Variants in CDH13 observed in about 807,000 individuals in gnomAD.
CDH13 encodes cadherin-13.
CDH13 carries 24 observed loss-of-function variants against 63.8 expected under a neutral mutation model. That is an observed-to-expected ratio of 0.38 (90% CI 0.27 to 0.53). The LOEUF (loss-of-function observed/expected upper bound fraction) is 0.53. Among genes scored for constraint, CDH13 ranks in the 20% least tolerant of loss-of-function variants. The pLI, the probability that CDH13 is intolerant of heterozygous loss-of-function variation, is 0.85. For missense variants in CDH13, 1,049 were observed against 903.1 expected, an observed-to-expected ratio of 1.16 and a Z score of -2.07; for synonymous variants, 503 against 355.3, an observed-to-expected ratio of 1.42 and a Z score of -4.67.
At chr16:83,499,007 G>T (rs1306073452) in intron 7 of CDH13, among the ~76,000 whole-genome samples, 1 of 152,126 alleles carries the variant, frequency 6.6e-6, no homozygotes, top group East Asian at 1.9e-4. Context: ...GAATCAAATG[G>T]CTTTTTAAAG....
intron 5 of CDH13, among the ~76,000 whole-genome samples, chr16:83,306,454 G>C (rs1034518318): frequency 6.6e-6 from 1 of 152,144 alleles, no homozygotes; most frequent in African/African-American, 2.4e-5. Context: ...CCTGAAAGGA[G>C]GCTGTTATAA....
chr16:82,873,630 G>A (rs181931924), intron 2 of CDH13, among the ~76,000 whole-genome samples: 95 of 152,280 alleles, frequency 6.2e-4, no homozygotes, highest in Admixed American at 1.8e-3. Context: ...AGTATTTCAA[G>A]GATTAAACAA....
At chr16:82,763,213 A>G (rs1175073811) in intron 1 of CDH13, among the ~76,000 whole-genome samples, 1 of 152,084 alleles carries the variant, frequency 6.6e-6, no homozygotes, top group South Asian at 2.1e-4. Context: ...TTACTTAAAC[A>G]TCCTCTTTTT....
rs115891884 is a variant in CDH13 at position 83,313,243 on chromosome 16, A to G, written c.637-31619A>G. Reference sequence around the variant, plus strand: ...AGTCTTTGAATTCTGAGTGACTGGCAGATTTCACAGCCATTGATATTTTGA... The same window carrying G: ...AGTCTTTGAATTCTGAGTGACTGGCGGATTTCACAGCCATTGATATTTTGA... On this transcript the variant is annotated intron_variant, in intron 5 of 13. Coordinates refer to ENST00000567109, the MANE Select transcript of CDH13 (RefSeq NM_001257.5). Among the ~76,000 whole-genome samples, 534 of 152,350 alleles carry G rather than the reference A, an allele frequency of 3.5e-3. 3 individuals carry two copies. The highest frequency in any genetic ancestry group is 0.012 in the African/African-American group (505 of 41,578).
intron 4 of CDH13, among the ~76,000 whole-genome samples, chr16:83,204,220 C>T (rs1182108219): frequency 6.6e-6 from 1 of 152,192 alleles, no homozygotes; most frequent in Non-Finnish European, 1.5e-5. Context: ...TCTGTTGCCC[C>T]TATGAAGTAT....
At chr16:82,896,939 C>T (rs977039000) in intron 2 of CDH13, among the ~76,000 whole-genome samples, 2 of 151,790 alleles carry the variant, frequency 1.3e-5, no homozygotes, top group African/African-American at 4.8e-5. Flanking sequence ...CGCCATCACG[C>T]CCAGCTAATT....
chr16:83,264,164 G>C (rs935345294), intron 5 of CDH13, among the ~76,000 whole-genome samples: 9 of 152,152 alleles, frequency 5.9e-5, no homozygotes. Context: ...GGTATAAATT[G>C]CTGCTGCCCA....
At chr16:83,705,341 G>C (rs117814889) in intron 10 of CDH13, among the ~76,000 whole-genome samples, 1,539 of 152,290 alleles carry the variant, frequency 0.01, 75 homozygotes, top group Admixed American at 0.077. Context: ...AGAAAAAGAA[G>C]CCCGGGCCCG....
chr16:82,829,898 C>G (rs1301923295), intron 1 of CDH13, among the ~76,000 whole-genome samples: 1 of 152,152 alleles, frequency 6.6e-6, no homozygotes, highest in African/African-American at 2.4e-5. Context: ...TGCCTCATCT[C>G]CTTTGAGGAC....
chr16:83,231,306 A>G (rs1488264489), intron 5 of CDH13, among the ~76,000 whole-genome samples: 1 of 152,208 alleles, frequency 6.6e-6, no homozygotes, highest in Non-Finnish European at 1.5e-5. Flanking sequence ...CAGCTACTGA[A>G]AGAGCATCTG....
intron 1 of CDH13, among the ~76,000 whole-genome samples, chr16:82,673,401 A>G (rs1432249481): frequency 6.6e-6 from 1 of 152,178 alleles, no homozygotes; most frequent in Non-Finnish European, 1.5e-5. Context: ...CAGGAAATAA[A>G]AGTATCCCCA....
In CDH13 at chr16:83,043,298, T is replaced by C. The variant is rs147499759; in HGVS notation, c.366+11080T>C. On this transcript the variant is annotated intron_variant, in intron 3 of 13. Transcript: ENST00000567109. ...ATTCTTGGGGGAAAAACTGATCCCA[T>C]AGAAAGTATAGATAACTAAAAATGG... Among the ~76,000 whole-genome samples the C allele has an allele frequency of 2.0e-4, 30 of 152,282 alleles. 2 individuals are homozygous for C. The highest frequency in any genetic ancestry group is 6.0e-4 in the African/African-American group (25 of 41,566).
chr16:82,904,100 A>T (rs887350859), intron 2 of CDH13, among the ~76,000 whole-genome samples: 5 of 152,208 alleles, frequency 3.3e-5, no homozygotes, highest in African/African-American at 1.2e-4. Context: ...TGATATTTTG[A>T]ATGGTAATAA....
chr16:83,185,353 G>A (rs902248748), intron 4 of CDH13, among the ~76,000 whole-genome samples: 1 of 152,148 alleles, frequency 6.6e-6, no homozygotes, highest in Non-Finnish European at 1.5e-5. Context: ...ACTGCACCTT[G>A]TAATTTCTGG....
At chr16:83,022,704 G>C (rs1251996424) in intron 2 of CDH13, among the ~76,000 whole-genome samples, 1 of 152,124 alleles carries the variant, frequency 6.6e-6, no homozygotes. Context: ...ATGCATCCTT[G>C]CACACATGTA....
intron 7 of CDH13, among the ~76,000 whole-genome samples, chr16:83,497,300 G>A (rs1474571327): frequency 2.6e-5 from 4 of 151,968 alleles, no homozygotes; most frequent in Non-Finnish European, 5.9e-5. Flanking sequence ...AGAAAATGTG[G>A]CACATATACA....
At chr16:82,767,722 C>T (rs1253200976) in intron 1 of CDH13, among the ~76,000 whole-genome samples, 3 of 152,184 alleles carry the variant, frequency 2.0e-5, no homozygotes, top group South Asian at 2.1e-4. Flanking sequence ...GCATTGACTC[C>T]CTTGGGTTTC....
chr16:83,076,947 A>G (rs73598135), intron 3 of CDH13, among the ~76,000 whole-genome samples: 5,387 of 152,044 alleles, frequency 0.035, 301 homozygotes, highest in African/African-American at 0.12. Context: ...ACTGAATACA[A>G]CTGTGCAACC....
At chr16:83,132,364 C>T (rs886304000) in intron 4 of CDH13, among the ~76,000 whole-genome samples, 1 of 151,808 alleles carries the variant, frequency 6.6e-6, no homozygotes, top group Non-Finnish European at 1.5e-5. Context: ...TTGTTTTGTG[C>T]CCTTTATCTA....
Sources: allele counts gnomAD v4.1 joint callset (sites outside exome capture counted in the v4.1 genomes callset), GRCh38; gene constraint gnomAD v4.1.1; transcripts MANE v1.5; gene names NCBI Gene and HGNC (gene_info 2026-07-23, HGNC 2026-07-21).